KCNH3: variants seen among roughly 807,000 people sequenced by gnomAD.
The protein encoded by KCNH3 is voltage-gated inwardly rectifying potassium channel KCNH3.
KCNH3 carries 36 observed loss-of-function variants against 95.6 expected under a neutral mutation model. That is an observed-to-expected ratio of 0.38 (90% confidence interval 0.29 to 0.50). The LOEUF (loss-of-function observed/expected upper bound fraction) is 0.50, where lower values mean the gene tolerates loss of function less well. KCNH3 is among the 20% of genes least tolerant of loss of function. The probability of loss-of-function intolerance (pLI) is 0.95; values close to 1 mark genes in which losing one functional copy is unlikely to be tolerated. For missense variants in KCNH3, 1,030 were observed against 1,484.1 expected (o/e 0.69, Z 5.03); for synonymous variants, 620 against 646.3 (o/e 0.96, Z 0.62).
In KCNH3 at chr12:49,557,334, G is replaced by A. The variant is rs577560953; in HGVS notation, c.2653-20G>A. The A allele has an allele frequency of 9.0e-5, 145 of 1,610,750 alleles. No homozygotes were observed. In the Admixed American group the frequency reaches 1.3e-3, roughly 14 times the overall value. ...CCATGGCTGACTCCATTCTGACCTC[G>A]CCTCCTCCCTCCCCCAAAGGTGACA... On this transcript the variant is annotated intron_variant, in intron 14 of 14. Coordinates refer to ENST00000257981, the MANE Select transcript of KCNH3 (RefSeq NM_012284.3).
Position 49,557,444 on chromosome 12 carries a change from G to A in KCNH3, c.2743G>A (p.Glu915Lys), listed in dbSNP as rs375140032. Residue 915 changes from glutamate to lysine, a missense_variant, in exon 15 of 15, where the codon GAG (glutamate) becomes AAG (lysine). By Grantham distance (56) the Glu-to-Lys change is moderately conservative (BLOSUM62 1). Around this residue, in one of 9 missense-constraint regions of KCNH3, gnomAD observed 464 missense variants for 493.2 expected, o/e 0.94. Transcript: ENST00000257981. ...AVQLVLAPHR[E>K]GPCPRASGEG... ...GCAGCTTGTCCTGGCGCCCCACAGG[G>A]AGGGTCCGTGCCCTCGGGCATCGGG... The A allele has an allele frequency of 5.0e-6, 8 of 1,609,492 alleles. No homozygotes were observed. The highest frequency in any genetic ancestry group is 1.3e-5 in the African/African-American group (1 of 74,880).
chr12:49,550,043 T>TGGCCCCCCCCCCCC, intron 9 of KCNH3, 37 bp from the exon 10 acceptor site: 1 of 1,299,542 alleles, frequency 7.7e-7, no homozygotes, highest in Non-Finnish European at 1.1e-6. Context: ...CTTCTGCCAC[T>TGGCCCCCCCCCCCC]CCCAACCCCC....
Position 49,555,711 on chromosome 12 carries a change from C to A in KCNH3, c.2228C>A (p.Pro743Gln). 1 of 1,612,786 alleles carries A rather than the reference C, an allele frequency of 6.2e-7. No homozygotes were observed. The highest frequency in any genetic ancestry group is 2.2e-5 in the East Asian group (1 of 44,856). Residue 743 changes from proline to glutamine, a missense_variant, in exon 12 of 15, where the codon CCA becomes CAA. By Grantham distance (76) the Pro-to-Gln change is moderately conservative (BLOSUM62 -1). Coordinates refer to ENST00000257981, the MANE Select transcript of KCNH3 (RefSeq NM_012284.3). Reference protein sequence around the residue: ...TDGEQGPTVSPAPADEPSSPL... With the variant: ...TDGEQGPTVSQAPADEPSSPL... ...GGGGAGCAGGGCCCCACGGTCTCCC[C>A]AGCCCCAGCTGATGAGCCCTCCAGC...
In KCNH3 at chr12:49,550,166, G is replaced by T; in HGVS notation, c.1755G>T (p.Ala585=). 1 of 1,608,692 alleles carries T rather than the reference G, an allele frequency of 6.2e-7. No homozygotes were observed. The highest frequency in any genetic ancestry group is 8.5e-7 in the Non-Finnish European group (1 of 1,179,524). The change falls in exon 10 of 15, where the codon GCG becomes GCT. Residue 585 remains alanine (A), a synonymous_variant. Coordinates refer to ENST00000257981, the MANE Select transcript of KCNH3 (RefSeq NM_012284.3). The part of the protein sequence containing the change: ...KEVLQLPLFE[A]ASRGCLRALS... ...TCCTGCAGCTGCCACTGTTTGAGGC[G>T]GCCAGCCGCGGCTGCCTGCGGGCAC... is the stretch of plus-strand genomic sequence containing the variant.
rs1937861541 is a variant in KCNH3, at chr12:49,541,257, C to T, written c.310+125C>T. 5.4e-6 allele frequency: 4 copies of T among 736,350 alleles called. No individual in the cohort carries two copies. In the East Asian group the frequency reaches 1.1e-4, roughly 20 times the overall value. The allele number at this position is 736,350 out of a possible 1,614,324, so 45.6% of individuals were successfully genotyped here. A position where few individuals can be genotyped will look rare whatever the true frequency, so the allele number is the denominator to read the frequency against. On this transcript the variant is annotated intron_variant, in intron 2 of 14. Coordinates refer to ENST00000257981, the MANE Select transcript of KCNH3 (RefSeq NM_012284.3). ...CCATCTCCCCATGTCATCCCATCTT[C>T]CCATCCCCCCATCCAACCCCTCTTG...
At chr12:49,544,129 G>A (rs1150058) in intron 6 of KCNH3, 46 bp from the exon 7 acceptor site, 133,164 of 1,597,994 alleles carry the variant, frequency 0.083, 11,880 homozygotes, top group African/African-American at 0.46. Context: ...AGGCAGGGCC[G>A]GCCCGCTGAC....
In KCNH3 at chr12:49,557,918, G is replaced by A; in HGVS notation, c.3217G>A (p.Val1073Ile). 6.6e-7 allele frequency: 1 copy of A among 1,517,182 alleles called. No individual in the cohort carries two copies. The highest frequency in any genetic ancestry group is 1.3e-5 in the South Asian group (1 of 75,836). 94.0% of individuals were successfully genotyped at this position (1,517,182 alleles called of 1,614,324 possible). The change falls in exon 15 of 15, where the codon GTC becomes ATC. Residue 1073 changes from valine (V) to isoleucine (I), a missense_variant. Physicochemically the swap from Val to Ile is conservative, Grantham distance 29. Transcript: ENST00000257981. ...VLIGCHGSGT[V>I]QWTQEEGTGV ...TATTGGCTGCCATGGCTCTGGCACA[G>A]TCCAGTGGACCCAGGAAGAAGGCAC... is the stretch of plus-strand genomic sequence containing the variant.
At chr12:49,541,234 A>G (rs1407449265) in intron 2 of KCNH3, 102 bp downstream of exon 2, 3 of 854,868 alleles carry the variant, frequency 3.5e-6, no homozygotes, top group Non-Finnish European at 5.5e-6. Flanking sequence ...CATCTTCTCC[A>G]TCTCCCCATG....
intron 3 of KCNH3, among the ~76,000 whole-genome samples, chr12:49,542,061 T>G (rs1022280040): frequency 1.2e-4 from 19 of 152,354 alleles, no homozygotes; most frequent in Admixed American, 1.1e-3. Flanking sequence ...GTTAATAAGG[T>G]TGAGCACAGA....
Position 49,543,952 on chromosome 12 carries a change from G to A in KCNH3, c.861G>A (p.Lys287=). 2 of 1,613,138 alleles carry A rather than the reference G, an allele frequency of 1.2e-6. No individual in the cohort carries two copies. Among genetic ancestry groups the A allele is most frequent in the Non-Finnish European group, 1.7e-6 (2 of 1,179,074 alleles). ...ATTTCCGTACCACATTCGTGTCCAA[G>A]TCGGGCCAGGTGGTGTTTGCCCCAA... The part of the protein sequence containing the change: ...VLNFRTTFVS[K]SGQVVFAPKS... The change falls in exon 6 of 15, where the codon AAG becomes AAA. Residue 287 remains lysine, a synonymous_variant. Coordinates refer to ENST00000257981, the MANE Select transcript of KCNH3 (RefSeq NM_012284.3).
chr12:49,541,123 C>T lies in KCNH3; in HGVS notation c.301C>T (p.Arg101Trp). ...GTTCAAGGCTGAGCTGATCCTGTAC[C>T]GGAAGAGCGGTGAGGGGCCACCTGG... ...KEFKAELILY[R>W]KSGLPFWCLL... is the part of the protein sequence containing the mutation. Residue 101 changes from arginine to tryptophan, a missense_variant, in exon 2 of 15, where the codon CGG becomes TGG. By Grantham distance (101) the Arg-to-Trp change is moderately radical. Coordinates refer to ENST00000257981, the MANE Select transcript of KCNH3 (RefSeq NM_012284.3). 6.2e-7 allele frequency: 1 copy of T among 1,602,426 alleles called. No individual in the cohort carries two copies. The highest frequency in any genetic ancestry group is 8.5e-7 in the Non-Finnish European group (1 of 1,178,708).
At chr12:49,549,392 A>C in intron 8 of KCNH3, 49 bp from the exon 9 acceptor site, 1 of 1,594,980 alleles carries the variant, frequency 6.3e-7, no homozygotes, top group Non-Finnish European at 8.6e-7. Flanking sequence ...GCGTGGTGTC[A>C]GGCCGGGCCA....
At position 49,544,233 on chromosome 12, in the gene KCNH3, C is replaced by T. The variant is rs747364097; in HGVS notation, c.1040C>T (p.Pro347Leu). The T allele has an allele frequency of 3.1e-6, 5 of 1,596,876 alleles. No homozygotes were observed. The Admixed American group carries it at 6.9e-5, about 22-fold the overall frequency. The change falls in exon 7 of 15, where the codon CCG becomes CTG. Residue 347 changes from proline to leucine, a missense_variant. Pro to Leu is a moderately conservative substitution (Grantham distance 98). Coordinates refer to ENST00000257981, the MANE Select transcript of KCNH3 (RefSeq NM_012284.3). ...CTGCTGCGCCTGCTGCGCCTGCTTC[C>T]GCGGCTGGACCGGTACTCGCAGTAC... Reference protein sequence around the residue: ...VRLLRLLRLLPRLDRYSQYSA... With the variant: ...VRLLRLLRLLLRLDRYSQYSA...
In KCNH3 at chr12:49,541,010, G is replaced by A. The variant is rs147651812; in HGVS notation, c.188G>A (p.Arg63Gln). 1.2e-4 allele frequency: 194 copies of A among 1,613,974 alleles called. No individual in the cohort carries two copies. The highest frequency in any genetic ancestry group is 1.1e-4 in the South Asian group (10 of 91,092). The change falls in exon 2 of 15, where the codon CGG (arginine) becomes CAG (glutamine). Residue 63 changes from arginine to glutamine, a missense_variant. This residue lies in a region of KCNH3 where 63 missense variants were observed against 107.7 expected (regional missense o/e 0.59). Coordinates refer to ENST00000257981, the MANE Select transcript of KCNH3 (RefSeq NM_012284.3). ...TGFSRAEVMQ[R>Q]GCACSFLYGP... ...TTCTCCCGGGCTGAGGTCATGCAGC[G>A]GGGCTGTGCCTGCTCCTTCCTTTAT...
rs1937942692 is a variant in KCNH3 at position 49,543,467 on chromosome 12, C to T, written c.772C>T (p.Arg258Cys). ...VSTAREPSAA[R>C]GPPSVCDLAV... ...CACAGCACGGGAGCCCAGTGCCGCC[C>T]GCGGCCCGCCCAGCGTCTGTGACCT... Residue 258 changes from arginine (R) to cysteine (C), a missense_variant, in exon 5 of 15, where the codon CGC (arginine) becomes TGC (cysteine). By Grantham distance (180) the Arg-to-Cys change is radical. Coordinates refer to ENST00000257981, the MANE Select transcript of KCNH3 (RefSeq NM_012284.3). 5 of 1,601,628 alleles carry T rather than the reference C, an allele frequency of 3.1e-6. No homozygotes were observed. Among genetic ancestry groups the T allele is most frequent in the African/African-American group, 1.3e-5 (1 of 74,918 alleles).
chr12:49,540,252 C>G (rs1297765390), intron 1 of KCNH3, among the ~76,000 whole-genome samples: 1 of 152,202 alleles, frequency 6.6e-6, no homozygotes, highest in Non-Finnish European at 1.5e-5. Flanking sequence ...ACTCCGGGCT[C>G]CTCCATCTGC....
chr12:49,547,722 CTG>C (rs1296852916), intron 7 of KCNH3, among the ~76,000 whole-genome samples: 2 of 152,120 alleles, frequency 1.3e-5, no homozygotes, highest in Middle Eastern at 3.2e-3. Context: ...TGGGGAGAGT[CTG>C]GAGTAGGGGG....
At chr12:49,544,430 G>C in intron 7 of KCNH3, 48 bp downstream of exon 7, 1 of 1,586,490 alleles carries the variant, frequency 6.3e-7, no homozygotes, top group Non-Finnish European at 8.6e-7. Context: ...TTGTGTCAGA[G>C]GAGTGTGAGT....
chr12:49,548,071 G>A lies in KCNH3; in HGVS notation c.1190-824G>A, dbSNP rs528014302. On this transcript the variant is annotated intron_variant, in intron 7 of 14. Coordinates refer to ENST00000257981, the MANE Select transcript of KCNH3 (RefSeq NM_012284.3). ...TGAGGGGCAATCCAGCCTCTGCTCC[G>A]TGGCCCGGTCTAGCCTGTGACTACG... 2.0e-4 allele frequency among the ~76,000 whole-genome samples: 31 copies of A among 151,872 alleles called. No homozygotes were observed. The South Asian group carries it at 2.3e-3, about 11-fold the overall frequency.
Sources: gnomAD v4.1 joint callset for allele counts (sites outside exome capture counted in the v4.1 genomes callset) on GRCh38, gnomAD v4.1.1 for gene constraint, gnomAD v4.1.1 regional missense constraint, MANE v1.5 for transcripts, NCBI Gene and HGNC (gene_info 2026-07-23, HGNC 2026-07-21) for gene names.